The following MYO7B variants were observed in gnomAD, a reference collection of about 807,000 sequenced individuals.
The protein encoded by MYO7B is unconventional myosin-VIIb.
Under a neutral mutation model 259.7 loss-of-function variants are expected in MYO7B, and 212 were observed. The ratio of observed to expected loss-of-function variants is 0.82; its 90% CI spans 0.73 to 0.91. The LOEUF (loss-of-function observed/expected upper bound fraction) is 0.91, where lower values mean the gene tolerates loss of function less well. MYO7B is among the 40% of genes least tolerant of loss of function. MYO7B has a pLI of 0.00. For missense variants in MYO7B, 2,732 were observed against 2,813.5 expected, an observed-to-expected ratio of 0.97 and a Z score of 0.66; for synonymous variants, 1,197 against 1,166.4, an observed-to-expected ratio of 1.03 and a Z score of -0.54.
chr2:127,636,596 C>T lies in MYO7B; in HGVS notation c.6175C>T (p.His2059Tyr). 6.2e-7 allele frequency: 1 copy of T among 1,612,930 alleles called. No homozygotes were observed. The highest frequency in any genetic ancestry group is 1.3e-5 in the African/African-American group (1 of 75,014). The change falls in exon 46 of 48, where the codon CAT becomes TAT. Residue 2059 changes from histidine (H) to tyrosine (Y), a missense_variant. By Grantham distance (83) the His-to-Tyr change is moderately conservative. Around this residue, in one of 3 missense-constraint regions of MYO7B, gnomAD observed 821 missense variants for 769.3 expected, o/e 1.07. Transcript: ENST00000409816. The surrounding 1 kb of genome is among the most constrained non-coding windows in gnomAD (Gnocchi z 4.5). ...PDVILIAINR[H>Y]GVLLIHPKTK... is the part of the protein sequence containing the mutation. ...CGTCATCCTCATCGCCATCAACCGACATGGGGTTCTGCTCATCCACCCCAA... is the reference window on the plus strand; with the variant it reads ...CGTCATCCTCATCGCCATCAACCGATATGGGGTTCTGCTCATCCACCCCAA...
At chr2:127,582,116 C>A in intron 11 of MYO7B, 106 bp downstream of exon 11, 1 of 1,536,918 alleles carries the variant, frequency 6.5e-7, no homozygotes. Context: ...CTGGGCAGGT[C>A]CCCACTCTGC....
intron 11 of MYO7B, 131 bp from the exon 12 acceptor site, chr2:127,582,173 G>C: frequency 6.8e-7 from 1 of 1,461,878 alleles, no homozygotes; most frequent in South Asian, 1.3e-5. Context: ...CTTGGGCCCT[G>C]GTTTCTTGCC....
At chr2:127,608,080 C>T (rs934110925) in intron 21 of MYO7B, among the ~76,000 whole-genome samples, 3 of 152,292 alleles carry the variant, frequency 2.0e-5, no homozygotes, top group African/African-American at 7.2e-5. Context: ...TTTCCTCCAT[C>T]GAGTACTCGA....
At position 127,627,081 on chromosome 2, in the gene MYO7B, T is replaced by C. The variant is rs1475377586; in HGVS notation, c.4322T>C (p.Ile1441Thr). 1 of 1,610,814 alleles carries C rather than the reference T, an allele frequency of 6.2e-7. No individual in the cohort carries two copies. Among genetic ancestry groups the C allele is most frequent in the Non-Finnish European group, 8.5e-7 (1 of 1,178,930 alleles). Residue 1441 changes from isoleucine (I) to threonine (T), a missense_variant, in exon 32 of 48, where the codon ATC becomes ACC. Physicochemically the swap from Ile to Thr is moderately conservative, Grantham distance 89 (BLOSUM62 -1). Around this residue, in one of 3 missense-constraint regions of MYO7B, gnomAD observed 1,906 missense variants for 2,026.4 expected, o/e 0.94. Coordinates refer to ENST00000409816, the MANE Select transcript of MYO7B (RefSeq NM_001393586.1). The surrounding 1 kb of genome is among the most constrained non-coding windows in gnomAD (Gnocchi z 5.6). ...CTCTTCTCCCGGCTCTTCGAAGTCATCACACTCTCAGGTAATGGCATCTGA... is the reference window on the plus strand; with the variant it reads ...CTCTTCTCCCGGCTCTTCGAAGTCACCACACTCTCAGGTAATGGCATCTGA... ...PLLFSRLFEV[I>T]TLSGPRLPKT... is the part of the protein sequence containing the mutation.
intron 19 of MYO7B, 146 bp from the exon 20 acceptor site, chr2:127,605,698 T>G: frequency 1.4e-6 from 1 of 705,314 alleles, no homozygotes; most frequent in Non-Finnish European, 2.3e-6. Context: ...TCTTTTGGTC[T>G]GTAACACCTT....
intron 9 of MYO7B, among the ~76,000 whole-genome samples, 163 bp from the exon 10 acceptor site, chr2:127,580,583 G>T (rs528581058): frequency 6.6e-6 from 1 of 152,360 alleles, no homozygotes; most frequent in South Asian, 2.1e-4. Context: ...TCATGGGGCC[G>T]TTGGCTCCCT....
At chr2:127,566,197 G>T (rs1362710309) in intron 4 of MYO7B, among the ~76,000 whole-genome samples, 5 of 152,230 alleles carry the variant, frequency 3.3e-5, no homozygotes, top group Admixed American at 3.3e-4. Context: ...AGTGGGGCTG[G>T]GTGGGGGCTC....
intron 1 of MYO7B, among the ~76,000 whole-genome samples, chr2:127,538,572 T>C (rs1692881414): frequency 1.4e-5 from 2 of 147,616 alleles, no homozygotes; most frequent in Admixed American, 6.8e-5. Flanking sequence ...GTTTCTTTCT[T>C]TTTTTTTTTT....
rs140303765 is a variant in MYO7B at position 127,541,852 on chromosome 2, G to A, written c.-24+6021G>A. Among the ~76,000 whole-genome samples the A allele has an allele frequency of 7.9e-3, 1,208 of 152,332 alleles. 19 individuals carry two copies. The highest frequency in any genetic ancestry group is 0.027 in the African/African-American group (1,135 of 41,576). On this transcript the variant is annotated intron_variant, in intron 1 of 47. Transcript: ENST00000409816. ...GACTTCCCCAGGAGGGGCTGCACCAGGCTCTCCAAGAGCAGGGTCTCTTCC... is the reference window on the plus strand; with the variant it reads ...GACTTCCCCAGGAGGGGCTGCACCAAGCTCTCCAAGAGCAGGGTCTCTTCC...
chr2:127,600,347 G>A, intron 19 of MYO7B, among the ~76,000 whole-genome samples: 1 of 152,078 alleles, frequency 6.6e-6, no homozygotes, highest in East Asian at 1.9e-4. Context: ...TATCCCCTGT[G>A]TCATTCCTGA....
Position 127,628,247 on chromosome 2 carries a change from T to C in MYO7B, c.4461-125T>C, listed in dbSNP as rs113711108. The C allele has an allele frequency of 7.6e-4, 917 of 1,205,790 alleles. 8 individuals carry two copies. In the African/African-American group the frequency reaches 0.012, roughly 15 times the overall value. The allele number at this position is 1,205,790 out of a possible 1,614,324, so 74.7% of individuals were successfully genotyped here. ...GTGGTGTCTGGCCTAGTCCTGGCCC[T>C]GGCAGAGCAGCTCTGTGTCCTCATC... is the stretch of plus-strand genomic sequence containing the variant. On this transcript the variant is annotated intron_variant, in intron 33 of 47. Transcript: ENST00000409816. The surrounding 1 kb of genome is among the most constrained non-coding windows in gnomAD (Gnocchi z 4.8).
chr2:127,552,524 G>A (rs1693483425), intron 1 of MYO7B, among the ~76,000 whole-genome samples: 1 of 152,186 alleles, frequency 6.6e-6, no homozygotes. Flanking sequence ...CATGGAGTGG[G>A]GGCCCCTAGG....
rs764712369 is a variant in MYO7B, at chr2:127,631,559, G to A, written c.5096-41G>A. ...CAGCGTCTATCCCCAGTCTGTGTCA[G>A]CGTGGGGCTGCCCCAGCACTGTGCT... is the stretch of plus-strand genomic sequence containing the variant. On this transcript the variant is annotated intron_variant, in intron 37 of 47. Transcript: ENST00000409816. The A allele has an allele frequency of 1.1e-5, 18 of 1,602,852 alleles. No homozygotes were observed. The South Asian group carries it at 1.9e-4, about 17-fold the overall frequency.
intron 26 of MYO7B, among the ~76,000 whole-genome samples, chr2:127,619,531 A>G (rs1680743971): frequency 6.6e-6 from 1 of 152,142 alleles, no homozygotes; most frequent in African/African-American, 2.4e-5. Context: ...GGAGGGATGC[A>G]GGAACTCAGA....
Position 127,593,575 on chromosome 2 carries a change from G to A in MYO7B, c.2175G>A (p.Leu725=), listed in dbSNP as rs751130219. 6.2e-7 allele frequency: 1 copy of A among 1,613,610 alleles called. No homozygotes were observed. ...AAGGCAAGCTCCGCCAGATGACCCT[G>A]GGCATCACTGACGTGTGGCTGCGGA... ...QLQGKLRQMT[L]GITDVWLRTD... is the part of the protein sequence containing the mutation. Residue 725 remains leucine, a synonymous_variant, in exon 18 of 48, where the codon CTG becomes CTA. Transcript: ENST00000409816.
chr2:127,616,933 T>C (rs932055076), intron 26 of MYO7B, among the ~76,000 whole-genome samples: 2 of 152,236 alleles, frequency 1.3e-5, no homozygotes, highest in Non-Finnish European at 1.5e-5. Context: ...GGAACCGTGT[T>C]ATAAGATCCC....
At position 127,636,409 on chromosome 2, in the gene MYO7B, C is replaced by T. The variant is rs1171465911; in HGVS notation, c.6123+85C>T. 36 of 1,457,316 alleles carry T rather than the reference C, an allele frequency of 2.5e-5. No individual in the cohort carries two copies. Among genetic ancestry groups the T allele is most frequent in the Non-Finnish European group, 2.9e-6 (3 of 1,045,314 alleles). The allele number at this position is 1,457,316 out of a possible 1,614,324, so 90.3% of individuals were successfully genotyped here. A position where few individuals can be genotyped will look rare whatever the true frequency, so the allele number is the denominator to read the frequency against. ...AGCAGGCCCAGCGTCAACCAGCACA[C>T]ATCTTGGGTGGGGCTGGCCGTGAGG... On this transcript the variant is annotated intron_variant, in intron 45 of 47. Transcript: ENST00000409816. The surrounding 1 kb of genome is among the most constrained non-coding windows in gnomAD (Gnocchi z 4.5).
intron 39 of MYO7B, 30 bp from the exon 40 acceptor site, chr2:127,633,228 G>A (rs1271625361): frequency 3.9e-6 from 6 of 1,546,366 alleles, no homozygotes; most frequent in Non-Finnish European, 5.3e-6. Flanking sequence ...GGGTGGGGGT[G>A]GCACCTGCAG....
intron 43 of MYO7B, 143 bp downstream of exon 43, chr2:127,635,369 G>C (rs1681746082): frequency 1.3e-6 from 1 of 755,806 alleles, no homozygotes; most frequent in African/African-American, 1.7e-5. Flanking sequence ...CCAAGCCCCT[G>C]AGGGCTCTGG....
Sources: gnomAD v4.1 joint callset for allele counts (sites outside exome capture counted in the v4.1 genomes callset) on GRCh38, gnomAD v4.1.1 for gene constraint, gnomAD v4.1.1 regional missense constraint, Gnocchi (gnomAD v3.1) non-coding constraint, MANE v1.5 for transcripts, NCBI Gene and HGNC (gene_info 2026-07-23, HGNC 2026-07-21) for gene names.